Variants in BEND3 observed in about 807,000 individuals in gnomAD.
BEND3 encodes BEN domain containing 3.
BEND3 carries 13 observed loss-of-function variants against 60.1 expected under a neutral mutation model. The ratio of observed to expected loss-of-function variants is 0.22; its 90% CI spans 0.14 to 0.34. The LOEUF is 0.34. Among genes scored for constraint, BEND3 ranks in the 10% least tolerant of loss-of-function variants. BEND3 has a pLI of 1.00. For synonymous variants in BEND3, 497 were observed against 491.5 expected, an observed-to-expected ratio of 1.01 and a Z score of -0.15; for missense variants, 896 against 1,138.1, an observed-to-expected ratio of 0.79 and a Z score of 3.06.
intron 3 of BEND3, among the ~76,000 whole-genome samples, chr6:107,085,834 T>C (rs1321058446): frequency 6.8e-6 from 1 of 146,634 alleles, no homozygotes; most frequent in Non-Finnish European, 1.5e-5. Context: ...TCGCCCAGGC[T>C]GGAGTGCAGT....
chr6:107,113,992 T>G (rs1554238905), intron 1 of BEND3: 1 of 152,262 alleles, frequency 6.6e-6, no homozygotes, highest in African/African-American at 2.4e-5. Flanking sequence ...ACTGCACATT[T>G]CCAACTCTAG....
chr6:107,107,677 G>A (rs1775848256), intron 1 of BEND3, among the ~76,000 whole-genome samples: 1 of 152,132 alleles, frequency 6.6e-6, no homozygotes, highest in Non-Finnish European at 1.5e-5. Flanking sequence ...TGGCCAGGAT[G>A]GCCTTGAACT....
At chr6:107,071,046 C>G in intron 3 of BEND3, 96 bp from the exon 4 acceptor site, 1 of 1,209,920 alleles carries the variant, frequency 8.3e-7, no homozygotes. Flanking sequence ...CCGAGGTCAA[C>G]CTTGGGAGCA....
intron 1 of BEND3, among the ~76,000 whole-genome samples, chr6:107,114,874 G>C (rs1770229718): frequency 6.7e-6 from 1 of 149,206 alleles, no homozygotes; most frequent in South Asian, 2.1e-4. Context: ...GGCGCGGCGA[G>C]CCCGTGGGCG....
chr6:107,096,163 C>T (rs1305681106), intron 3 of BEND3, among the ~76,000 whole-genome samples: 3 of 152,124 alleles, frequency 2.0e-5, no homozygotes, highest in Non-Finnish European at 4.4e-5. Flanking sequence ...GTCTCTTTTG[C>T]TCAATTTTTC....
At position 107,066,845 on chromosome 6, in the gene BEND3, C is replaced by T. The variant is rs920306530; in HGVS notation, c.*1859G>A. The T allele has an allele frequency of 6.6e-6, 1 of 152,546 alleles. No individual in the cohort carries two copies. The highest frequency in any genetic ancestry group is 6.6e-5 in the Admixed American group (1 of 15,266). The allele number at this position is 152,546 out of a possible 1,614,324, so 9.4% of individuals were successfully genotyped here. A position where few individuals can be genotyped will look rare whatever the true frequency, so the allele number is the denominator to read the frequency against. ...GCCCAAGCGAGGGGGGAAAGTGAGT[C>T]TCCTGGCTGCTCCAGTCCCTCCTTT... On this transcript the variant is annotated 3_prime_UTR_variant, in exon 4 of 4. Transcript: ENST00000369042.
chr6:107,108,899 C>T lies in BEND3; in HGVS notation c.-12+6191G>A, dbSNP rs964773377. 3.3e-5 allele frequency among the ~76,000 whole-genome samples: 5 copies of T among 152,076 alleles called. No individual in the cohort carries two copies. The East Asian group carries it at 7.8e-4, about 24-fold the overall frequency. On this transcript the variant is annotated intron_variant, in intron 1 of 3. Coordinates refer to ENST00000369042, the MANE Select transcript of BEND3 (RefSeq NM_001367314.1). ...CGGCTCTCTGCAACTCTGCATCCCG[C>T]GTTCAAGCAATTCTCCTGTCTCAGC...
At position 107,084,504 on chromosome 6, in the gene BEND3, C is replaced by T. The variant is rs11970545; in HGVS notation, c.241-13554G>A. 6.2e-3 allele frequency among the ~76,000 whole-genome samples: 937 copies of T among 150,652 alleles called. 11 individuals carry two copies. Among genetic ancestry groups the T allele is most frequent in the African/African-American group, 0.022 (877 of 40,500 alleles). ...CGCACCAATCAGCACTCTGTAAAAACGCACCAATCAGCACTCTGTGTATAG... is the reference window on the plus strand; with the variant it reads ...CGCACCAATCAGCACTCTGTAAAAATGCACCAATCAGCACTCTGTGTATAG... On this transcript the variant is annotated intron_variant, in intron 3 of 3. Transcript: ENST00000369042.
chr6:107,092,212 ACAC>A (rs1324574813), intron 3 of BEND3, among the ~76,000 whole-genome samples: 1 of 151,596 alleles, frequency 6.6e-6, no homozygotes, highest in Non-Finnish European at 1.5e-5. Flanking sequence ...AGCCGAGATC[ACAC>A]CACTGCACTC....
intron 2 of BEND3, among the ~76,000 whole-genome samples, chr6:107,098,976 T>C (rs1360850995): frequency 6.6e-6 from 1 of 152,190 alleles, no homozygotes; most frequent in African/African-American, 2.4e-5. Flanking sequence ...TAGTTCAAAT[T>C]GGTTTAAACA....
At chr6:107,107,460 ATTTTATTT>A (rs1257917786) in intron 1 of BEND3, among the ~76,000 whole-genome samples, 3 of 150,108 alleles carry the variant, frequency 2.0e-5, no homozygotes, top group East Asian at 2.0e-4. Context: ...TTTAAAGTGC[ATTTTATTT>A]TTTTATTTTT....
intron 3 of BEND3, among the ~76,000 whole-genome samples, chr6:107,077,577 A>T (rs572355842): frequency 1.1e-4 from 16 of 152,162 alleles, no homozygotes; most frequent in Non-Finnish European, 2.1e-4. Context: ...AAGAAACAAG[A>T]TTCTGGGGAG....
chr6:107,076,814 CATT>C (rs1554232823), intron 3 of BEND3, among the ~76,000 whole-genome samples: 1 of 152,020 alleles, frequency 6.6e-6, no homozygotes, highest in African/African-American at 2.4e-5. Flanking sequence ...TCATTTTCAA[CATT>C]ATTATTTTCA....
chr6:107,071,903 A>G (rs1037302134), intron 3 of BEND3, among the ~76,000 whole-genome samples: 1 of 152,164 alleles, frequency 6.6e-6, no homozygotes, highest in African/African-American at 2.4e-5. Context: ...GAAATGGAGA[A>G]CGTCAGTGGG....
chr6:107,083,963 A>G (rs1316934068), intron 3 of BEND3, among the ~76,000 whole-genome samples: 1 of 152,250 alleles, frequency 6.6e-6, no homozygotes, highest in Non-Finnish European at 1.5e-5. Flanking sequence ...TTATTTGGCC[A>G]TGAAAGAAGA....
At chr6:107,078,958 GA>G (rs1456775351) in intron 3 of BEND3, among the ~76,000 whole-genome samples, 6 of 152,020 alleles carry the variant, frequency 3.9e-5, no homozygotes, top group Non-Finnish European at 8.8e-5. Flanking sequence ...CATTTTCCAA[GA>G]CCACCCTGGC....
chr6:107,072,154 T>C (rs1582640909), intron 3 of BEND3, among the ~76,000 whole-genome samples: 1 of 152,274 alleles, frequency 6.6e-6, no homozygotes, highest in East Asian at 1.9e-4. Context: ...CAGGGAGCCT[T>C]TGCTCCCACT....
chr6:107,089,585 CG>C (rs1461645033), intron 3 of BEND3, among the ~76,000 whole-genome samples: 1 of 122,242 alleles, frequency 8.2e-6, no homozygotes, highest in Non-Finnish European at 1.8e-5. Flanking sequence ...GACTCTGTCT[CG>C]AAAAAAAAAA....
In BEND3 at chr6:107,069,073, C is replaced by T. The variant is rs367784357; in HGVS notation, c.2118G>A (p.Leu706=). The change falls in exon 4 of 4, where the codon CTG becomes CTA. Residue 706 remains leucine (L), a synonymous_variant. Coordinates refer to ENST00000369042, the MANE Select transcript of BEND3 (RefSeq NM_001367314.1). ...CCGGGAAGTCAGGCGAGGGGACCACCAGCTCGTCCAAGGGGATCTTGCAAA... is the reference window on the plus strand; with the variant it reads ...CCGGGAAGTCAGGCGAGGGGACCACTAGCTCGTCCAAGGGGATCTTGCAAA... ...KDFCKIPLDE[L]VVPSPDFPVP... is the part of the protein sequence containing the mutation. 6.2e-7 allele frequency: 1 copy of T among 1,613,030 alleles called. No individual in the cohort carries two copies. The highest frequency in any genetic ancestry group is 1.3e-5 in the African/African-American group (1 of 74,838).
Sources: allele counts gnomAD v4.1 joint callset (sites outside exome capture counted in the v4.1 genomes callset), GRCh38; gene constraint gnomAD v4.1.1; transcripts MANE v1.5; gene names NCBI Gene and HGNC (gene_info 2026-07-23, HGNC 2026-07-21).